MAN2B2: variants seen among roughly 807,000 people sequenced by gnomAD.
The protein encoded by MAN2B2 is mannosidase alpha class 2B member 2.
Under a neutral mutation model 117.1 loss-of-function variants are expected in MAN2B2, and 106 were observed. That is an observed-to-expected ratio of 0.90 (90% CI 0.77 to 1.06). The LOEUF (loss-of-function observed/expected upper bound fraction) is 1.06. MAN2B2 is among the 50% of genes least tolerant of loss of function. MAN2B2 has a pLI of 0.00. For synonymous variants in MAN2B2, 544 were observed against 595.1 expected (o/e 0.91, Z 1.25); for missense variants, 1,326 against 1,381.4 (o/e 0.96, Z 0.64).
intron 11 of MAN2B2, among the ~76,000 whole-genome samples, chr4:6,605,585 A>T (rs1171453892): frequency 6.6e-6 from 1 of 152,164 alleles, no homozygotes; most frequent in South Asian, 2.1e-4. Context: ...CACTCTGGGA[A>T]AAAAAAATTA....
At position 6,576,448 on chromosome 4, in the gene MAN2B2, G is replaced by T. The variant is rs1388252183; in HGVS notation, c.139-130G>T. Reference sequence around the variant, plus strand: ...TGGAGCGAGTGCCTAATAGCTGTGTGGGGGGTGAGCAGCAGGGAAGGAAGG... The same window carrying T: ...TGGAGCGAGTGCCTAATAGCTGTGTTGGGGGTGAGCAGCAGGGAAGGAAGG... On this transcript the variant is annotated intron_variant, in intron 1 of 18. Transcript: ENST00000285599. The T allele has an allele frequency of 2.7e-5, 29 of 1,059,636 alleles. No individual in the cohort carries two copies. The Admixed American group carries it at 5.2e-4, about 19-fold the overall frequency. The allele number at this position is 1,059,636 out of a possible 1,614,324, so 65.6% of individuals were successfully genotyped here.
At chr4:6,618,225 A>C (rs1410929001) in intron 17 of MAN2B2, 2 of 152,264 alleles carry the variant, frequency 1.3e-5, no homozygotes, top group African/African-American at 4.8e-5. Flanking sequence ...GCCTCAAGCA[A>C]TCTGCCTGTC....
intron 6 of MAN2B2, 87 bp from the exon 7 acceptor site, chr4:6,594,447 A>C (rs1726986133): frequency 7.4e-7 from 1 of 1,353,610 alleles, no homozygotes. Context: ...CTGGGAGGGC[A>C]GCTGGTGGAG....
intron 2 of MAN2B2, among the ~76,000 whole-genome samples, chr4:6,577,662 G>A (rs971823791): frequency 2.6e-5 from 4 of 152,194 alleles, no homozygotes; most frequent in African/African-American, 7.2e-5. Context: ...TGCCTGACTC[G>A]AGGCAGGCCT....
chr4:6,583,090 G>A (rs1450324160), intron 3 of MAN2B2, among the ~76,000 whole-genome samples: 1 of 152,132 alleles, frequency 6.6e-6, no homozygotes, highest in Non-Finnish European at 1.5e-5. Context: ...CCACAGTGTT[G>A]CCTGCCTGAG....
chr4:6,616,809 G>C (rs113387521), intron 16 of MAN2B2, among the ~76,000 whole-genome samples: 1 of 152,144 alleles, frequency 6.6e-6, no homozygotes, highest in African/African-American at 2.4e-5. Context: ...TCCCTCTGCC[G>C]CGCACCAGCT....
In MAN2B2 at chr4:6,609,145, T is replaced by C. The variant is rs374395862; in HGVS notation, c.1853T>C (p.Leu618Pro). 1.9e-6 allele frequency: 3 copies of C among 1,614,210 alleles called. No individual in the cohort carries two copies. The highest frequency in any genetic ancestry group is 1.1e-5 in the South Asian group (1 of 91,088). ...ACGGTGCGCGTGACCCAGGAATTCC[T>C]GGAGTACCACGTCAACGGGGATGTG... The part of the protein sequence containing the change: ...NRTVRVTQEF[L>P]EYHVNGDVKQ... Residue 618 changes from leucine (L) to proline (P), a missense_variant, in exon 12 of 19, where the codon CTG (leucine) becomes CCG (proline). Transcript: ENST00000285599.
At chr4:6,607,927 C>T (rs1377328003) in intron 11 of MAN2B2, among the ~76,000 whole-genome samples, 1 of 152,180 alleles carries the variant, frequency 6.6e-6, no homozygotes, top group Middle Eastern at 3.2e-3. Context: ...TAGCCATTCT[C>T]GTGGGCGAGA....
chr4:6,618,804 G>C (rs1712020787), intron 17 of MAN2B2: 1 of 152,276 alleles, frequency 6.6e-6, no homozygotes, highest in African/African-American at 2.4e-5. Flanking sequence ...GGGGAATCCA[G>C]AGAAGCCCCA....
Position 6,575,411 on chromosome 4 carries a change from G to C in MAN2B2, c.138+63G>C, listed in dbSNP as rs1342445488. ...CAGCTTCCCTCTCCCCGCGGGATCT[G>C]AGTGTGGGTTTGCGTCCCGGGGCCC... On this transcript the variant is annotated intron_variant, in intron 1 of 18. Transcript: ENST00000285599. The C allele has an allele frequency of 1.2e-5, 16 of 1,321,762 alleles. No homozygotes were observed. In the East Asian group the frequency reaches 4.0e-4, roughly 33 times the overall value. The allele number at this position is 1,321,762 out of a possible 1,614,324, so 81.9% of individuals were successfully genotyped here.
chr4:6,609,869 G>C lies in MAN2B2; in HGVS notation c.2078G>C (p.Gly693Ala). The C allele has an allele frequency of 6.2e-7, 1 of 1,614,104 alleles. No individual in the cohort carries two copies. Among genetic ancestry groups the C allele is most frequent in the Non-Finnish European group, 8.5e-7 (1 of 1,180,026 alleles). ...ACCCATGTGCCGCAGGGCCATGACG[G>C]GGAGCTGCTCTGCCACCGGATAGAG... ...RLTHVPQGHD[G>A]ELLCHRIEQE... is the part of the protein sequence containing the mutation. The change falls in exon 13 of 19, where the codon GGG (glycine) becomes GCG (alanine). Residue 693 changes from glycine (G) to alanine (A), a missense_variant. Gly to Ala is a moderately conservative substitution (Grantham distance 60). Transcript: ENST00000285599.
chr4:6,580,824 C>A (rs1726398724), intron 3 of MAN2B2, among the ~76,000 whole-genome samples: 1 of 152,194 alleles, frequency 6.6e-6, no homozygotes, highest in Non-Finnish European at 1.5e-5. Context: ...GGGTACCTCG[C>A]CTCTGGCCTC....
chr4:6,600,795 T>C (rs377576925), intron 10 of MAN2B2, 39 bp downstream of exon 10: 7 of 1,608,720 alleles, frequency 4.4e-6, no homozygotes, highest in Non-Finnish European at 1.7e-6. Flanking sequence ...CCTTAGCTGC[T>C]TGCTGAACCT....
chr4:6,583,522 C>T (rs371362288), intron 3 of MAN2B2, among the ~76,000 whole-genome samples: 3 of 152,168 alleles, frequency 2.0e-5, no homozygotes, highest in Admixed American at 6.5e-5. Context: ...TTCTGCTGGA[C>T]GGCCAGAAAA....
intron 9 of MAN2B2, among the ~76,000 whole-genome samples, chr4:6,598,727 C>T (rs1025479120): frequency 2.6e-5 from 4 of 152,184 alleles, no homozygotes; most frequent in Non-Finnish European, 5.9e-5. Context: ...ATATGCTAGC[C>T]CAGGGCCACT....
intron 7 of MAN2B2, among the ~76,000 whole-genome samples, chr4:6,596,708 C>G (rs1310113622): frequency 6.6e-6 from 1 of 152,198 alleles, no homozygotes; most frequent in Non-Finnish European, 1.5e-5. Flanking sequence ...TCTGTGCAGT[C>G]TAGGCCCTTC....
intron 16 of MAN2B2, among the ~76,000 whole-genome samples, chr4:6,614,624 G>A (rs1412688923): frequency 6.6e-6 from 1 of 152,154 alleles, no homozygotes; most frequent in African/African-American, 2.4e-5. Flanking sequence ...ACCCCCAGCT[G>A]AGACTAAGGA....
chr4:6,592,060 G>A (rs947641256), intron 5 of MAN2B2, among the ~76,000 whole-genome samples: 3 of 152,230 alleles, frequency 2.0e-5, no homozygotes, highest in African/African-American at 7.2e-5. Flanking sequence ...CCACGTGGTG[G>A]CAGCAGTCAG....
chr4:6,588,623 G>A (rs1444502770), intron 4 of MAN2B2, among the ~76,000 whole-genome samples: 1 of 152,168 alleles, frequency 6.6e-6, no homozygotes, highest in Non-Finnish European at 1.5e-5. Context: ...GCTGAGGCAG[G>A]ACAATCGCTT....
Sources: gnomAD v4.1 joint callset for allele counts (sites outside exome capture counted in the v4.1 genomes callset) on GRCh38, gnomAD v4.1.1 for gene constraint, MANE v1.5 for transcripts, NCBI Gene and HGNC (gene_info 2026-07-23, HGNC 2026-07-21) for gene names.